Variants in ABI1 observed in about 807,000 individuals in gnomAD.
ABI1 encodes the protein abl interactor 1.
A neutral mutation model predicts 54.6 loss-of-function variants in ABI1; 14 were observed. The observed-to-expected ratio is 0.26, with a 90% CI of 0.17 to 0.40. The LOEUF (loss-of-function observed/expected upper bound fraction) is 0.40. Ranked by LOEUF, ABI1 falls within the 10% of genes least tolerant of loss-of-function variation. ABI1 has a pLI of 1.00. For synonymous variants in ABI1, 194 were observed against 209.3 expected, an observed-to-expected ratio of 0.93 and a Z score of 0.63; for missense variants, 443 against 598.3, an observed-to-expected ratio of 0.74 and a Z score of 2.71.
At chr10:26,774,317 T>C (rs1214340884) in intron 3 of ABI1, among the ~76,000 whole-genome samples, 3 of 152,222 alleles carry the variant, frequency 2.0e-5, no homozygotes, top group African/African-American at 7.2e-5. Context: ...AACTTAGAGA[T>C]ACAAAGGGCC....
intron 2 of ABI1, among the ~76,000 whole-genome samples, chr10:26,792,785 G>A (rs1843645641): frequency 6.6e-6 from 1 of 152,096 alleles, no homozygotes; most frequent in Non-Finnish European, 1.5e-5. Flanking sequence ...AAGCAGACAA[G>A]ATTTTAAAAT....
intron 5 of ABI1, 91 bp from the exon 6 acceptor site, chr10:26,769,083 G>T: frequency 1.0e-6 from 1 of 952,792 alleles, no homozygotes; most frequent in Non-Finnish European, 1.5e-6. Context: ...TTGTGACCAT[G>T]TATACCAGGA....
rs185623482 is a variant in ABI1 at position 26,853,833 on chromosome 10, C to T, written c.117+6914G>A. Among the ~76,000 whole-genome samples the T allele has an allele frequency of 2.4e-3, 364 of 152,222 alleles. 4 individuals carry two copies. Among genetic ancestry groups the T allele is most frequent in the Middle Eastern group, 6.8e-3 (2 of 294 alleles). On this transcript the variant is annotated intron_variant, in intron 1 of 10. Coordinates refer to ENST00000376140, the MANE Select transcript of ABI1 (RefSeq NM_001012750.3). ...CTGGGATTACAGGTGTGAGCCACCA[C>T]GCCCAGCCTTTACCTTACTTTTCAT...
At chr10:26,751,906 T>C in intron 9 of ABI1, 123 bp from the exon 10 acceptor site, 2 of 863,726 alleles carry the variant, frequency 2.3e-6, no homozygotes, top group Non-Finnish European at 1.7e-6. Context: ...CATGCAATGA[T>C]TAGAAATAAA....
chr10:26,808,884 G>T (rs2047043428), intron 2 of ABI1, among the ~76,000 whole-genome samples: 1 of 152,010 alleles, frequency 6.6e-6, no homozygotes. Flanking sequence ...GGGGAGAAGG[G>T]GGAAAGGTAA....
chr10:26,843,603 C>T (rs925639116), intron 1 of ABI1, among the ~76,000 whole-genome samples: 1 of 146,346 alleles, frequency 6.8e-6, no homozygotes, highest in South Asian at 2.2e-4. Flanking sequence ...ATTAATATAT[C>T]ACACATTCTT....
chr10:26,809,643 GAATC>G (rs1311282169), intron 2 of ABI1, among the ~76,000 whole-genome samples: 6 of 152,114 alleles, frequency 3.9e-5, no homozygotes, highest in Non-Finnish European at 7.4e-5. Context: ...GGAAATATTA[GAATC>G]AATATATAAG....
chr10:26,765,603 G>A (rs1342223289), intron 6 of ABI1, among the ~76,000 whole-genome samples: 1 of 151,058 alleles, frequency 6.6e-6, no homozygotes, highest in Non-Finnish European at 1.5e-5. Context: ...CCTTACTCTG[G>A]GGATGCAGAA....
intron 2 of ABI1, among the ~76,000 whole-genome samples, chr10:26,808,597 C>T (rs1490955620): frequency 1.3e-5 from 2 of 151,832 alleles, no homozygotes; most frequent in Non-Finnish European, 2.9e-5. Flanking sequence ...GTGGCACGTG[C>T]CTGTAATCTC....
intron 7 of ABI1, among the ~76,000 whole-genome samples, chr10:26,760,720 T>C (rs1839013127): frequency 1.3e-5 from 2 of 151,868 alleles, no homozygotes; most frequent in Non-Finnish European, 2.9e-5. Context: ...CGAAAACCCG[T>C]GTCTACTAAA....
intron 1 of ABI1, among the ~76,000 whole-genome samples, chr10:26,826,209 T>C (rs1588996309): frequency 1.3e-5 from 2 of 152,312 alleles, no homozygotes; most frequent in South Asian, 2.1e-4. Context: ...AATTACTCTA[T>C]GGGGCTGCAA....
intron 2 of ABI1, among the ~76,000 whole-genome samples, chr10:26,811,137 C>A (rs2047202537): frequency 6.6e-6 from 1 of 151,978 alleles, no homozygotes; most frequent in Non-Finnish European, 1.5e-5. Context: ...ATAGTAGTAC[C>A]AGGCTCTCTG....
At chr10:26,837,806 G>C (rs1300283337) in intron 1 of ABI1, among the ~76,000 whole-genome samples, 1 of 148,744 alleles carries the variant, frequency 6.7e-6, no homozygotes, top group Non-Finnish European at 1.5e-5. Context: ...GTAGAGACAG[G>C]GTTTCCTCAT....
intron 1 of ABI1, among the ~76,000 whole-genome samples, chr10:26,836,476 G>C (rs901301506): frequency 2.0e-5 from 3 of 152,146 alleles, no homozygotes; most frequent in African/African-American, 7.2e-5. Flanking sequence ...ACCTAATTTT[G>C]TCTGATATAA....
chr10:26,770,286 C>T lies in ABI1; in HGVS notation c.537G>A (p.Gln179=), dbSNP rs774165364. 2.5e-6 allele frequency: 4 copies of T among 1,614,060 alleles called. No homozygotes were observed. The Admixed American group carries it at 6.7e-5, about 27-fold the overall frequency. The part of the protein sequence containing the change: ...GTLSRTNPPT[Q]KPPSPPMSGR... ...CTGACATGGGAGGACTTGGCGGTTT[C>T]TGAGTAGGAGGATTTGTTCTCGACA... The change falls in exon 5 of 11, where the codon CAG becomes CAA. Residue 179 remains glutamine, a synonymous_variant. Transcript: ENST00000376140.
At chr10:26,800,610 C>T (rs976858211) in intron 2 of ABI1, among the ~76,000 whole-genome samples, 13 of 152,016 alleles carry the variant, frequency 8.6e-5, no homozygotes, top group African/African-American at 2.7e-4. Context: ...GAACTCATCT[C>T]TATAAAATAA....
chr10:26,789,997 T>C (rs1388365252), intron 2 of ABI1, among the ~76,000 whole-genome samples: 2 of 152,252 alleles, frequency 1.3e-5, no homozygotes, highest in African/African-American at 4.8e-5. Context: ...TTCCATGGTG[T>C]ATACGTACCA....
chr10:26,752,034 T>C (rs1417895794), intron 9 of ABI1, among the ~76,000 whole-genome samples: 1 of 152,208 alleles, frequency 6.6e-6, no homozygotes, highest in East Asian at 1.9e-4. Context: ...TAGGAGACAA[T>C]GTCTCTTTTT....
intron 8 of ABI1, among the ~76,000 whole-genome samples, chr10:26,756,971 T>G (rs1838398759): frequency 1.3e-5 from 2 of 152,104 alleles, no homozygotes; most frequent in Admixed American, 1.3e-4. Context: ...ATGAAAGCAA[T>G]CCTATTTCAT....
Sources: allele counts gnomAD v4.1 joint callset (sites outside exome capture counted in the v4.1 genomes callset), GRCh38; gene constraint gnomAD v4.1.1; transcripts MANE v1.5; gene names NCBI Gene and HGNC (gene_info 2026-07-23, HGNC 2026-07-21).